The following TRPS1 variants were observed in gnomAD, a reference collection of about 807,000 sequenced individuals.
The protein encoded by TRPS1 is transcriptional repressor GATA binding 1, also known as zinc finger transcription factor Trps1.
In TRPS1, 6 loss-of-function variants were observed where a neutral mutation model predicts 101.2. The ratio of observed to expected loss-of-function variants is 0.06; its 90% confidence interval spans 0.03 to 0.12. The LOEUF (loss-of-function observed/expected upper bound fraction) is 0.12, where lower values mean the gene tolerates loss of function less well. TRPS1 is among the 10% of genes least tolerant of loss of function. The pLI is 1.00. For synonymous variants in TRPS1, 578 were observed against 589.8 expected, an observed-to-expected ratio of 0.98 and a Z score of 0.29; for missense variants, 1,363 against 1,567.0, an observed-to-expected ratio of 0.87 and a Z score of 2.20.
intron 5 of TRPS1, among the ~76,000 whole-genome samples, chr8:115,493,630 T>C (rs1411722307): frequency 1.3e-5 from 2 of 152,128 alleles, no homozygotes; most frequent in African/African-American, 4.8e-5. Context: ...ATTACAGACG[T>C]GAGCCACCAC....
At chr8:115,637,758 T>C (rs1818803155) in intron 1 of TRPS1, among the ~76,000 whole-genome samples, 1 of 152,238 alleles carries the variant, frequency 6.6e-6, no homozygotes, top group Admixed American at 6.5e-5. Flanking sequence ...CATGAACTTA[T>C]TGAAGTTACT....
At chr8:115,545,002 T>C (rs904110873) in intron 5 of TRPS1, among the ~76,000 whole-genome samples, 2 of 152,202 alleles carry the variant, frequency 1.3e-5, no homozygotes, top group Non-Finnish European at 2.9e-5. Flanking sequence ...TATAAACTGG[T>C]CCTTCGAGTA....
At position 115,618,662 on chromosome 8, in the gene TRPS1, T is replaced by C. The variant is rs191309904; in HGVS notation, c.966+470A>G. Among the ~76,000 whole-genome samples, 533 of 152,262 alleles carry C rather than the reference T, an allele frequency of 3.5e-3. 2 individuals are homozygous for C. The highest frequency in any genetic ancestry group is 6.8e-3 in the Middle Eastern group (2 of 294). On this transcript the variant is annotated intron_variant, in intron 3 of 6. Coordinates refer to ENST00000395715, the MANE Select transcript of TRPS1 (RefSeq NM_014112.5). ...CTTTTCAGGACTATCTCTGCAACCATCAATATGAACCGTCAGGATGAATAT... is the reference window on the plus strand; with the variant it reads ...CTTTTCAGGACTATCTCTGCAACCACCAATATGAACCGTCAGGATGAATAT...
chr8:115,596,708 A>G (rs750552217), intron 4 of TRPS1, among the ~76,000 whole-genome samples: 2 of 151,846 alleles, frequency 1.3e-5, no homozygotes, highest in Non-Finnish European at 3.0e-5. Context: ...ATCTATGTGC[A>G]TATATCATAT....
chr8:115,561,805 G>A (rs1236336978), intron 5 of TRPS1, among the ~76,000 whole-genome samples: 2 of 151,416 alleles, frequency 1.3e-5, no homozygotes, highest in African/African-American at 4.9e-5. Flanking sequence ...AGCATGTACT[G>A]GAATACTCCA....
chr8:115,609,993 AAAT>A (rs941525640), intron 3 of TRPS1, among the ~76,000 whole-genome samples: 1 of 152,242 alleles, frequency 6.6e-6, no homozygotes, highest in African/African-American at 2.4e-5. Flanking sequence ...ATAATATCTA[AAAT>A]AATATGTCAA....
At chr8:115,588,944 C>A (rs1817625888) in intron 4 of TRPS1, among the ~76,000 whole-genome samples, 1 of 152,150 alleles carries the variant, frequency 6.6e-6, no homozygotes, top group African/African-American at 2.4e-5. Context: ...GGAAGTTTCA[C>A]ATGACTATAA....
chr8:115,425,233 G>C (rs1182759700), intron 5 of TRPS1, among the ~76,000 whole-genome samples: 1 of 152,114 alleles, frequency 6.6e-6, no homozygotes, highest in Non-Finnish European at 1.5e-5. Flanking sequence ...GTTGAAATGG[G>C]CTGTACTGCA....
intron 4 of TRPS1, among the ~76,000 whole-genome samples, chr8:115,590,361 G>C (rs1438769408): frequency 1.3e-5 from 2 of 152,108 alleles, no homozygotes; most frequent in Non-Finnish European, 2.9e-5. Flanking sequence ...CCTTGACATG[G>C]TGAGATCTCT....
At chr8:115,512,927 G>A (rs769957848) in intron 5 of TRPS1, among the ~76,000 whole-genome samples, 2 of 151,546 alleles carry the variant, frequency 1.3e-5, no homozygotes, top group Non-Finnish European at 3.0e-5. Context: ...ATGGGGAATG[G>A]GAATGACACA....
chr8:115,468,706 T>C (rs1814388105), intron 5 of TRPS1, among the ~76,000 whole-genome samples: 1 of 152,172 alleles, frequency 6.6e-6, no homozygotes, highest in African/African-American at 2.4e-5. Context: ...GAGAAACAAG[T>C]GAACTGCTTG....
chr8:115,619,534 T>C lies in TRPS1; in HGVS notation c.564A>G (p.Gln188=). 2.5e-6 allele frequency: 4 copies of C among 1,614,218 alleles called. No homozygotes were observed. Among genetic ancestry groups the C allele is most frequent in the Non-Finnish European group, 3.4e-6 (4 of 1,180,030 alleles). The change falls in exon 3 of 7, where the codon CAA becomes CAG. Residue 188 remains glutamine, a synonymous_variant. Coordinates refer to ENST00000395715, the MANE Select transcript of TRPS1 (RefSeq NM_014112.5). ...AGGCCACTGAAACTGGGCTCAAACC[T>C]TGACAATTGGCTTGACCACTCTGTG... is the stretch of plus-strand genomic sequence containing the variant. ...GQAQSGQANC[Q]GLSPVSVASK...
At chr8:115,638,099 T>G (rs777648118) in intron 1 of TRPS1, among the ~76,000 whole-genome samples, 84 of 152,076 alleles carry the variant, frequency 5.5e-4, no homozygotes, top group Admixed American at 8.5e-4. Context: ...AAATCAGTAG[T>G]TAAAATAAGG....
intron 5 of TRPS1, among the ~76,000 whole-genome samples, chr8:115,494,862 T>C (rs1463104994): frequency 1.3e-5 from 2 of 152,200 alleles, no homozygotes; most frequent in Non-Finnish European, 2.9e-5. Flanking sequence ...TAGGATGTTT[T>C]TCGCTTGAAA....
rs1380327881 is a variant in TRPS1, at chr8:115,573,027, G to A, written c.2700+13974C>T. Among the ~76,000 whole-genome samples, 3 of 152,186 alleles carry A rather than the reference G, an allele frequency of 2.0e-5. No homozygotes were observed. The East Asian group carries it at 5.8e-4, about 30-fold the overall frequency. ...GCATCCCAGCTACTCGGGAGGCTGA[G>A]GCAGGAGAGTCGCTTGAACCCAGGA... On this transcript the variant is annotated intron_variant, in intron 5 of 6. Transcript: ENST00000395715.
Position 115,501,586 on chromosome 8 carries a change from C to G in TRPS1, c.2701-83134G>C, listed in dbSNP as rs192296242. Among the ~76,000 whole-genome samples the G allele has an allele frequency of 1.4e-4, 22 of 152,322 alleles. No homozygotes were observed. In the East Asian group the frequency reaches 4.2e-3, roughly 29 times the overall value. On this transcript the variant is annotated intron_variant, in intron 5 of 6. Transcript: ENST00000395715. Reference sequence around the variant, plus strand: ...GCCTGGATCCCAAATATGTGAAGTTCAAAGTGCTCACGAAAAATAAAATCA... The same window carrying G: ...GCCTGGATCCCAAATATGTGAAGTTGAAAGTGCTCACGAAAAATAAAATCA...
At chr8:115,419,121 G>A (rs1017168330) in intron 5 of TRPS1, among the ~76,000 whole-genome samples, 4 of 152,062 alleles carry the variant, frequency 2.6e-5, no homozygotes, top group African/African-American at 4.8e-5. Context: ...CCCTTCAATG[G>A]CTATTTATTT....
chr8:115,531,831 C>T (rs1186913862), intron 5 of TRPS1, among the ~76,000 whole-genome samples: 1 of 152,052 alleles, frequency 6.6e-6, no homozygotes, highest in East Asian at 1.9e-4. Context: ...GGAGGCATAA[C>T]AGGGAATCCA....
intron 5 of TRPS1, among the ~76,000 whole-genome samples, chr8:115,477,013 CT>C (rs1230016467): frequency 6.6e-6 from 1 of 152,100 alleles, no homozygotes; most frequent in Non-Finnish European, 1.5e-5. Flanking sequence ...ATTTTATAGC[CT>C]TCATTACAGA....
Sources: allele counts gnomAD v4.1 joint callset (sites outside exome capture counted in the v4.1 genomes callset), GRCh38; gene constraint gnomAD v4.1.1; transcripts MANE v1.5; gene names NCBI Gene and HGNC (gene_info 2026-07-23, HGNC 2026-07-21).